The following KCNQ1 variants were observed in gnomAD, a reference collection of about 807,000 sequenced individuals.
The protein encoded by KCNQ1 is potassium voltage-gated channel subfamily Q member 1.
A neutral mutation model predicts 72.4 loss-of-function variants in KCNQ1; 49 were observed. The observed-to-expected ratio is 0.68, with a 90% CI of 0.54 to 0.86. KCNQ1 has a LOEUF of 0.86. KCNQ1 is among the 40% of genes least tolerant of loss of function. KCNQ1 has a pLI of 0.00. For missense variants in KCNQ1, 790 were observed against 945.1 expected, an observed-to-expected ratio of 0.84 and a Z score of 2.15; for synonymous variants, 450 against 412.6, an observed-to-expected ratio of 1.09 and a Z score of -1.10.
At chr11:2,686,390 C>T in intron 11 of KCNQ1, 1 of 398,702 alleles carries the variant, frequency 2.5e-6, no homozygotes, top group Non-Finnish European at 4.4e-6. Context: ...CAGGGTACCC[C>T]AACCCCTGAC....
rs1036611491 is a variant in KCNQ1, at chr11:2,475,599, A to C, written c.386+30115A>C. ...GAATTAGGGCAAGGAGGGCGATTCT[A>C]AATGGCTGGAGACATAGTCAGCTGT... On this transcript the variant is annotated intron_variant, in intron 1 of 15. Transcript: ENST00000155840. The surrounding 1 kb of genome is among the most constrained non-coding windows in gnomAD (Gnocchi z 5.8). Among the ~76,000 whole-genome samples the C allele has an allele frequency of 4.6e-5, 7 of 152,240 alleles. No individual in the cohort carries two copies. In the South Asian group the frequency reaches 1.0e-3, roughly 22 times the overall value.
At chr11:2,792,869 A>G (rs1847056498) in intron 15 of KCNQ1, among the ~76,000 whole-genome samples, 1 of 152,172 alleles carries the variant, frequency 6.6e-6, no homozygotes, top group African/African-American at 2.4e-5. Context: ...CGGGGCCAGC[A>G]CGCAGCCCCC....
At chr11:2,644,175 A>C in intron 10 of KCNQ1, 1 of 398,522 alleles carries the variant, frequency 2.5e-6, no homozygotes, top group Non-Finnish European at 4.4e-6. Context: ...TATTTCATTA[A>C]ATAGGTTTTA....
rs1010418100 is a variant in KCNQ1 at position 2,621,134 on chromosome 11, T to C, written c.1393+32280T>C. 7.1e-5 allele frequency: 28 copies of C among 396,672 alleles called. No homozygotes were observed. Among genetic ancestry groups the C allele is most frequent in the South Asian group, 4.3e-4 (3 of 7,000 alleles). The allele number at this position is 396,672 out of a possible 1,614,324, so 24.6% of individuals were successfully genotyped here. On this transcript the variant is annotated intron_variant, in intron 10 of 15. Transcript: ENST00000155840. The surrounding 1 kb of genome is among the most constrained non-coding windows in gnomAD (Gnocchi z 5.7). ...CTGGGATTACAGGTGACCGCCACCA[T>C]ACCTGGCTAATTTTTGTGTTTTTAG...
intron 10 of KCNQ1, chr11:2,610,457 GGTTTTTATGGATTTGA>G: frequency 2.5e-6 from 1 of 397,998 alleles, no homozygotes; most frequent in Non-Finnish European, 4.4e-6. Flanking sequence ...CCACTTTTTT[GGTTTTTATGGATTTGA>G]GTTACCAACT....
chr11:2,618,214 A>G (rs191635088), intron 10 of KCNQ1: 18 of 398,540 alleles, frequency 4.5e-5, no homozygotes, highest in African/African-American at 3.7e-4. Flanking sequence ...TAAGGCAGCG[A>G]TATCAAATCT....
rs187047945 is a variant in KCNQ1 at position 2,630,340 on chromosome 11, A to G, written c.1394-31621A>G. 6.6e-4 allele frequency: 262 copies of G among 398,184 alleles called. 4 individuals carry two copies. The East Asian group carries it at 8.9e-3, about 14-fold the overall frequency. The allele number at this position is 398,184 out of a possible 1,614,324, so 24.7% of individuals were successfully genotyped here. A position where few individuals can be genotyped will look rare whatever the true frequency, so the allele number is the denominator to read the frequency against. Reference sequence around the variant, plus strand: ...TATTTTGTTGAAAATTTTTAAATGTATAGTCATAAAAAAATATCAGCCAGT... The same window carrying G: ...TATTTTGTTGAAAATTTTTAAATGTGTAGTCATAAAAAAATATCAGCCAGT... On this transcript the variant is annotated intron_variant, in intron 10 of 15. Coordinates refer to ENST00000155840, the MANE Select transcript of KCNQ1 (RefSeq NM_000218.3).
chr11:2,754,165 A>G (rs1846265631), intron 11 of KCNQ1, among the ~76,000 whole-genome samples: 1 of 152,216 alleles, frequency 6.6e-6, no homozygotes, highest in Admixed American at 6.5e-5. Flanking sequence ...AAAGACAATA[A>G]CAAGTGTTGG....
chr11:2,445,236 G>A lies in KCNQ1; in HGVS notation c.138G>A (p.Ala46=). The A allele has an allele frequency of 8.7e-7, 1 of 1,152,104 alleles. No homozygotes were observed. Among genetic ancestry groups the A allele is most frequent in the Non-Finnish European group, 1.1e-6 (1 of 935,884 alleles). 71.4% of individuals were successfully genotyped at this position (1,152,104 alleles called of 1,614,324 possible). Residue 46 remains alanine (A), a synonymous_variant, in exon 1 of 16, where the codon GCG becomes GCA. Transcript: ENST00000155840. ...FSLELAEGGP[A]GGALYAPIAP... is the part of the protein sequence containing the mutation. ...TGGAGCTGGCGGAGGGCGGCCCGGC[G>A]GGCGGCGCGCTCTACGCGCCCATCG...
At chr11:2,619,525 A>G (rs1849128367) in intron 10 of KCNQ1, 1 of 398,594 alleles carries the variant, frequency 2.5e-6, no homozygotes, top group Non-Finnish European at 4.4e-6. Flanking sequence ...CCACATAGAC[A>G]TGATATATAA....
rs1269984688 is a variant in KCNQ1, at chr11:2,615,526, T to TATA, written c.1393+26673_1393+26674insTAA. The TATA allele has an allele frequency of 7.5e-6, 3 of 398,070 alleles. No individual in the cohort carries two copies. The East Asian group carries it at 1.1e-4, about 14-fold the overall frequency. 24.7% of individuals were successfully genotyped at this position (398,070 alleles called of 1,614,324 possible). On this transcript the variant is annotated intron_variant, in intron 10 of 15. Transcript: ENST00000155840. ...CAGTTTTTTTTCTCATTAAGTATAT[T>TATA]AGTTGTGGATTTTTCACAAATCCTC...
Position 2,570,717 on chromosome 11 carries a change from G to T in KCNQ1, c.567G>T (p.Gly189=), listed in dbSNP as rs200669271. 121 of 1,612,212 alleles carry T rather than the reference G, an allele frequency of 7.5e-5. No homozygotes were observed. The highest frequency in any genetic ancestry group is 5.9e-6 in the Non-Finnish European group (7 of 1,180,024). The part of the protein sequence containing the change: ...GCRSKYVGLW[G]RLRFARKPIS... Reference sequence around the variant, plus strand: ...GCAGCAAGTACGTGGGCCTCTGGGGGCGGCTGCGCTTTGCCCGGAAGCCCA... The same window carrying T: ...GCAGCAAGTACGTGGGCCTCTGGGGTCGGCTGCGCTTTGCCCGGAAGCCCA... The change falls in exon 3 of 16, where the codon GGG becomes GGT. Residue 189 remains glycine (G), a synonymous_variant. Transcript: ENST00000155840.
At chr11:2,699,790 C>G (rs449357) in intron 11 of KCNQ1, 5 of 396,494 alleles carry the variant, frequency 1.3e-5, no homozygotes, top group Non-Finnish European at 2.2e-5. Context: ...AGAACCGCGC[C>G]GAGGGGCGCG....
Position 2,673,182 on chromosome 11 carries a change from G to T in KCNQ1, c.1514+11101G>T, listed in dbSNP as rs1294731510. ...CACGAGGATCAGAATGGGCCCTGGA[G>T]CCAAGGCCAAAAGCCGAACTGTGAC... is the stretch of plus-strand genomic sequence containing the variant. On this transcript the variant is annotated intron_variant, in intron 11 of 15. Transcript: ENST00000155840. This position sits in a 1 kb window ranked among gnomAD's most constrained non-coding sequence, Gnocchi z 4.5. 2.5e-6 allele frequency: 1 copy of T among 398,610 alleles called. No individual in the cohort carries two copies. The highest frequency in any genetic ancestry group is 2.1e-5 in the African/African-American group (1 of 48,638). The allele number at this position is 398,610 out of a possible 1,614,324, so 24.7% of individuals were successfully genotyped here.
rs528548945 is a variant in KCNQ1 at position 2,484,325 on chromosome 11, A to C, written c.386+38841A>C. On this transcript the variant is annotated intron_variant, in intron 1 of 15. Coordinates refer to ENST00000155840, the MANE Select transcript of KCNQ1 (RefSeq NM_000218.3). This position sits in a 1 kb window ranked among gnomAD's most constrained non-coding sequence, Gnocchi z 5.2. Reference sequence around the variant, plus strand: ...ATTACAGGCACGTACCACCACGCCCAACTAATATTTTGTATTTTTAGTGGA... The same window carrying C: ...ATTACAGGCACGTACCACCACGCCCCACTAATATTTTGTATTTTTAGTGGA... Among the ~76,000 whole-genome samples, 5 of 152,136 alleles carry C rather than the reference A, an allele frequency of 3.3e-5. No homozygotes were observed. The East Asian group carries it at 9.7e-4, about 29-fold the overall frequency.
chr11:2,824,824 C>T lies in KCNQ1; in HGVS notation c.1795-22943C>T, dbSNP rs1847805666. Among the ~76,000 whole-genome samples, 1 of 152,222 alleles carries T rather than the reference C, an allele frequency of 6.6e-6. No homozygotes were observed. ...ATAGAATTCTGTACTTGGCCTGTCT[C>T]AGTGCCGTGCCGCATCCATCCTGCC... On this transcript the variant is annotated intron_variant, in intron 15 of 15. Transcript: ENST00000155840. This position sits in a 1 kb window ranked among gnomAD's most constrained non-coding sequence, Gnocchi z 5.9.
intron 12 of KCNQ1, among the ~76,000 whole-genome samples, chr11:2,774,247 G>T (rs568106225): frequency 6.6e-6 from 1 of 152,324 alleles, no homozygotes; most frequent in African/African-American, 2.4e-5. Flanking sequence ...ACATAAGTAC[G>T]GTTTTTACGG....
chr11:2,601,672 C>T lies in KCNQ1; in HGVS notation c.1393+12818C>T, dbSNP rs186290208. ...CACGTAAATGGAATCACACAATACA[C>T]GATATCTTAGAAACGGGGTCTTTTG... On this transcript the variant is annotated intron_variant, in intron 10 of 15. Coordinates refer to ENST00000155840, the MANE Select transcript of KCNQ1 (RefSeq NM_000218.3). This position sits in a 1 kb window ranked among gnomAD's most constrained non-coding sequence, Gnocchi z 5.2. 1.4e-3 allele frequency among the ~76,000 whole-genome samples: 209 copies of T among 152,340 alleles called. 1 individual carries two copies. The highest frequency in any genetic ancestry group is 4.0e-3 in the East Asian group (21 of 5,190).
rs931788890 is a variant in KCNQ1 at position 2,690,889 on chromosome 11, C to T, written c.1514+28808C>T. On this transcript the variant is annotated intron_variant, in intron 11 of 15. Coordinates refer to ENST00000155840, the MANE Select transcript of KCNQ1 (RefSeq NM_000218.3). This position sits in a 1 kb window ranked among gnomAD's most constrained non-coding sequence, Gnocchi z 5.1. ...ACACAGGAGTGTAAGCCACTGTTTC[C>T]GTCTGGGTTTTGTCATGTGTAGGTC... The T allele has an allele frequency of 2.3e-5, 9 of 398,438 alleles. No homozygotes were observed. The highest frequency in any genetic ancestry group is 8.8e-5 in the Admixed American group (2 of 22,710). The allele number at this position is 398,438 out of a possible 1,614,324, so 24.7% of individuals were successfully genotyped here.
Sources: gnomAD v4.1 joint callset for allele counts (sites outside exome capture counted in the v4.1 genomes callset) on GRCh38, gnomAD v4.1.1 for gene constraint, Gnocchi (gnomAD v3.1) non-coding constraint, MANE v1.5 for transcripts, NCBI Gene and HGNC (gene_info 2026-07-23, HGNC 2026-07-21) for gene names.